Variants in GABRG2 observed in about 807,000 individuals in gnomAD.
GABRG2 encodes gamma-aminobutyric acid type A receptor subunit gamma2, also known as gamma-aminobutyric acid receptor subunit gamma-2.
In GABRG2, 16 loss-of-function variants were observed where a neutral mutation model predicts 56.4. That is an observed-to-expected ratio of 0.28 (90% CI 0.19 to 0.43). The LOEUF is 0.43. GABRG2 is among the 20% of genes least tolerant of loss of function. The pLI, the probability that GABRG2 is intolerant of heterozygous loss-of-function variation, is 1.00. For missense variants in GABRG2, 327 were observed against 582.7 expected, an observed-to-expected ratio of 0.56 and a Z score of 4.52; for synonymous variants, 208 against 205.5, an observed-to-expected ratio of 1.01 and a Z score of -0.10.
chr5:162,076,477 G>C (rs952419468), intron 1 of GABRG2, among the ~76,000 whole-genome samples: 3 of 152,148 alleles, frequency 2.0e-5, no homozygotes, highest in African/African-American at 2.4e-5. Flanking sequence ...GAGAATGCCT[G>C]TGTAAACATT....
At chr5:162,102,038 G>A (rs1361819359) in intron 5 of GABRG2, 1 of 156,146 alleles carries the variant, frequency 6.4e-6, no homozygotes, top group Non-Finnish European at 1.4e-5. Context: ...ATAAAAATCT[G>A]ATTATAGATT....
chr5:162,086,265 T>A (rs1374579759), intron 1 of GABRG2, among the ~76,000 whole-genome samples: 1 of 152,014 alleles, frequency 6.6e-6, no homozygotes, highest in Non-Finnish European at 1.5e-5. Flanking sequence ...AAATATTGAA[T>A]CTTCTTTTAA....
At chr5:162,071,048 T>C (rs1204303323) in intron 1 of GABRG2, among the ~76,000 whole-genome samples, 3 of 151,738 alleles carry the variant, frequency 2.0e-5, no homozygotes, top group Non-Finnish European at 4.4e-5. Flanking sequence ...GAGAATATTA[T>C]ACATATAACA....
intron 1 of GABRG2, among the ~76,000 whole-genome samples, chr5:162,083,320 T>A (rs1044678911): frequency 3.9e-5 from 6 of 151,954 alleles, no homozygotes; most frequent in East Asian, 3.9e-4. Context: ...TAAATGATTC[T>A]AAATCTGAGA....
At chr5:162,098,496 A>T (rs1197470767) in intron 4 of GABRG2, 1 of 152,824 alleles carries the variant, frequency 6.5e-6, no homozygotes, top group East Asian at 1.9e-4. Flanking sequence ...TTACCTTAGC[A>T]CTTCATACTT....
At chr5:162,102,460 C>T (rs1761498142) in intron 5 of GABRG2, 1 of 453,032 alleles carries the variant, frequency 2.2e-6, no homozygotes, top group South Asian at 1.6e-5. Flanking sequence ...TTACTCATTG[C>T]TATCAGAATA....
At chr5:162,117,253 A>T (rs1192946981) in intron 6 of GABRG2, among the ~76,000 whole-genome samples, 1 of 152,210 alleles carries the variant, frequency 6.6e-6, no homozygotes, top group East Asian at 1.9e-4. Flanking sequence ...TTTATTAATT[A>T]CAAGTCCAAA....
chr5:162,098,733 A>G (rs1761184096), intron 4 of GABRG2: 2 of 152,154 alleles, frequency 1.3e-5, no homozygotes, highest in Admixed American at 6.6e-5. Flanking sequence ...CTTTGTTTGC[A>G]TAGTAAGCAT....
intron 1 of GABRG2, among the ~76,000 whole-genome samples, chr5:162,077,979 A>G (rs1362906399): frequency 1.3e-5 from 2 of 152,118 alleles, no homozygotes; most frequent in African/African-American, 4.8e-5. Flanking sequence ...TGAAAGCCAT[A>G]GTCTTTACAA....
intron 6 of GABRG2, among the ~76,000 whole-genome samples, chr5:162,141,735 T>C (rs1764582624): frequency 6.6e-6 from 1 of 152,210 alleles, no homozygotes; most frequent in Non-Finnish European, 1.5e-5. Context: ...GATATCCTTG[T>C]ATGTTTTTTA....
intron 1 of GABRG2, among the ~76,000 whole-genome samples, chr5:162,082,489 T>C (rs929216372): frequency 9.2e-5 from 14 of 151,786 alleles, no homozygotes; most frequent in African/African-American, 2.9e-4. Context: ...TCAAATTTCA[T>C]TGGGGATTTT....
chr5:162,123,165 A>C (rs373493326), intron 6 of GABRG2, among the ~76,000 whole-genome samples: 1 of 151,774 alleles, frequency 6.6e-6, no homozygotes, highest in East Asian at 1.9e-4. Flanking sequence ...AACTAATCAT[A>C]TCTGAGAAAA....
At chr5:162,151,026 CT>C in intron 8 of GABRG2, 1 of 152,304 alleles carries the variant, frequency 6.6e-6, no homozygotes, top group South Asian at 2.1e-4. Context: ...GGCATATTAC[CT>C]GCCAGCTATA....
intron 1 of GABRG2, among the ~76,000 whole-genome samples, chr5:162,071,316 T>C (rs1312933406): frequency 6.6e-6 from 1 of 151,308 alleles, no homozygotes; most frequent in East Asian, 1.9e-4. Context: ...AAAAATAATT[T>C]AGAGTAAATA....
intron 5 of GABRG2, chr5:162,101,750 A>G (rs2113355650): frequency 5.6e-6 from 1 of 178,506 alleles, no homozygotes; most frequent in Non-Finnish European, 1.2e-5. Context: ...TTGATAAAAT[A>G]TATGTGAACT....
chr5:162,097,614 CTGTT>C lies in GABRG2; in HGVS notation c.328-22_328-19del. 1 of 1,518,718 alleles carries C rather than the reference CTGTT, an allele frequency of 6.6e-7. No individual in the cohort carries two copies. The highest frequency in any genetic ancestry group is 1.1e-5 in the South Asian group (1 of 88,972). 94.1% of individuals were successfully genotyped at this position (1,518,718 alleles called of 1,614,324 possible). A position where few individuals can be genotyped will look rare whatever the true frequency, so the allele number is the denominator to read the frequency against. ...GATAATCTTACTGTGTACAAATTTT[CTGTT>C]TATCATTTTATTAAAACAGGAATAC... On this transcript the variant is annotated intron_variant, in intron 3 of 9. Transcript: ENST00000639213.
intron 6 of GABRG2, among the ~76,000 whole-genome samples, chr5:162,118,722 C>T (rs1268570365): frequency 6.6e-6 from 1 of 152,112 alleles, no homozygotes; most frequent in Non-Finnish European, 1.5e-5. Context: ...CTACTTCTCA[C>T]TCCTGGGTTC....
intron 6 of GABRG2, among the ~76,000 whole-genome samples, chr5:162,118,599 A>ATATATCTATATCTATATCTATATC (rs560921328): frequency 9.2e-5 from 14 of 152,146 alleles, no homozygotes; most frequent in African/African-American, 3.4e-4. Context: ...AACTCTCTCT[A>ATATATCTATATCTATATCTATATC]TATATCTATA....
chr5:162,146,526 A>G (rs1311605814), intron 7 of GABRG2, among the ~76,000 whole-genome samples: 1 of 152,110 alleles, frequency 6.6e-6, no homozygotes. Context: ...AGTCATAATT[A>G]TGGATTCCTA....
Sources: allele counts gnomAD v4.1 joint callset (sites outside exome capture counted in the v4.1 genomes callset), GRCh38; gene constraint gnomAD v4.1.1; transcripts MANE v1.5; gene names NCBI Gene and HGNC (gene_info 2026-07-23, HGNC 2026-07-21).